CEP63: variants seen among roughly 807,000 people sequenced by gnomAD.
CEP63 encodes the protein centrosomal protein 63.
A neutral mutation model predicts 89.1 loss-of-function variants in CEP63; 84 were observed. The ratio of observed to expected loss-of-function variants is 0.94; its 90% CI spans 0.79 to 1.13. CEP63 has a LOEUF of 1.13. Ranked by LOEUF, CEP63 falls within the 50% of genes most tolerant of loss-of-function variation. CEP63 has a pLI of 0.00. For missense variants in CEP63, 838 were observed against 813.3 expected (o/e 1.03, Z -0.37); for synonymous variants, 267 against 272.5 (o/e 0.98, Z 0.20).
intron 2 of CEP63, among the ~76,000 whole-genome samples, chr3:134,497,809 C>T (rs973514922): frequency 6.6e-6 from 1 of 151,944 alleles, no homozygotes; most frequent in Non-Finnish European, 1.5e-5. Context: ...CAATTTTTTC[C>T]AGCACCATTT....
intron 6 of CEP63, among the ~76,000 whole-genome samples, chr3:134,542,860 C>T (rs933927846): frequency 1.6e-4 from 25 of 151,536 alleles, no homozygotes; most frequent in African/African-American, 5.8e-4. Context: ...GAAATAACTT[C>T]TACCCACTCC....
chr3:134,686,348 A>G, the CEP63 span, among the ~76,000 whole-genome samples: 1 of 152,174 alleles, frequency 6.6e-6, no homozygotes, highest in African/African-American at 2.4e-5. Context: ...TTCAGAAGGT[A>G]GGCTCAAGTT....
At chr3:134,608,674 G>T in the CEP63 span, 10 of 1,613,944 alleles carry the variant, frequency 6.2e-6, no homozygotes, top group Admixed American at 1.5e-4. Context: ...AAGTCTCTGG[G>T]TGGGCACTCA....
chr3:134,618,788 C>A, the CEP63 span, among the ~76,000 whole-genome samples: 2 of 152,320 alleles, frequency 1.3e-5, no homozygotes, highest in African/African-American at 4.8e-5. Flanking sequence ...TGAGGACAGC[C>A]TTTCACAGTC....
the CEP63 span, chr3:134,610,118 C>T: frequency 2.0e-6 from 3 of 1,487,748 alleles, no homozygotes; most frequent in South Asian, 2.5e-5. Context: ...GTCTTCTCCA[C>T]CTGCTGCTTC....
the CEP63 span, among the ~76,000 whole-genome samples, chr3:134,640,879 G>T: frequency 6.6e-6 from 1 of 152,074 alleles, no homozygotes; most frequent in African/African-American, 2.4e-5. Flanking sequence ...TTCCAACCTT[G>T]CCCCCTCTGT....
the CEP63 span, among the ~76,000 whole-genome samples, chr3:134,667,864 T>C: frequency 1.3e-5 from 2 of 152,224 alleles, no homozygotes; most frequent in Admixed American, 6.5e-5. Flanking sequence ...GGAGGGCATC[T>C]TTTATTGGTG....
At chr3:134,586,155 GTC>G (rs1560081744) in intron 10 of CEP63, among the ~76,000 whole-genome samples, 1 of 133,096 alleles carries the variant, frequency 7.5e-6, no homozygotes, top group Non-Finnish European at 1.7e-5. Flanking sequence ...TAATTTTCCA[GTC>G]TGTGACTTTT....
chr3:134,524,897 G>T (rs1948308824), intron 3 of CEP63, among the ~76,000 whole-genome samples: 1 of 152,124 alleles, frequency 6.6e-6, no homozygotes, highest in Non-Finnish European at 1.5e-5. Context: ...ACAACCCATA[G>T]AATGGGTTAG....
the CEP63 span, among the ~76,000 whole-genome samples, chr3:134,599,323 C>T: frequency 2.0e-5 from 3 of 152,166 alleles, no homozygotes; most frequent in East Asian, 1.9e-4. Context: ...TGCTGGGCCT[C>T]GTTTTTGTGG....
chr3:134,754,972 C>A, the CEP63 span, among the ~76,000 whole-genome samples: 1 of 152,084 alleles, frequency 6.6e-6, no homozygotes, highest in Non-Finnish European at 1.5e-5. Context: ...CCTGGGCTCC[C>A]TCTTCACTGC....
At chr3:134,576,366 G>T (rs547625015), downstream of CEP63, among the ~76,000 whole-genome samples, 60 of 152,312 alleles carry the variant, frequency 3.9e-4, no homozygotes, top group Non-Finnish European at 6.5e-4. Flanking sequence ...CTGAGTTCCT[G>T]CTATTCCCTG....
the CEP63 span, among the ~76,000 whole-genome samples, chr3:134,645,787 G>A: frequency 2.6e-5 from 4 of 152,144 alleles, no homozygotes; most frequent in Admixed American, 1.3e-4. Context: ...CTGACACATA[G>A]TGCTAAGACC....
intron 3 of CEP63, among the ~76,000 whole-genome samples, chr3:134,513,726 A>G (rs1175822272): frequency 6.6e-6 from 1 of 152,164 alleles, no homozygotes; most frequent in Admixed American, 6.5e-5. Flanking sequence ...GCTGCACCCT[A>G]GGAGTAAGGA....
chr3:134,746,670 T>C, the CEP63 span, among the ~76,000 whole-genome samples: 3 of 152,272 alleles, frequency 2.0e-5, no homozygotes, highest in Non-Finnish European at 2.9e-5. Flanking sequence ...ATTTCTCCGA[T>C]GAACAGTGAT....
the CEP63 span, among the ~76,000 whole-genome samples, chr3:134,742,969 C>T: frequency 6.6e-6 from 1 of 152,242 alleles, no homozygotes; most frequent in Admixed American, 6.5e-5. Flanking sequence ...AAGGAGGAAT[C>T]AGCTGGAACA....
the CEP63 span, among the ~76,000 whole-genome samples, chr3:134,740,423 G>A: frequency 1.2e-4 from 18 of 152,024 alleles, no homozygotes; most frequent in African/African-American, 4.3e-4. Flanking sequence ...TCAGCCTCCC[G>A]AGTAGCAGGG....
At position 134,564,422 on chromosome 3, in the gene CEP63, C is replaced by T. The variant is rs1957617087; in HGVS notation, c.*2887C>T. 5.1e-6 allele frequency: 5 copies of T among 985,308 alleles called. No individual in the cohort carries two copies. Among genetic ancestry groups the T allele is most frequent in the Admixed American group, 6.2e-5 (1 of 16,260 alleles). 61.0% of individuals were successfully genotyped at this position (985,308 alleles called of 1,614,324 possible). A position where few individuals can be genotyped will look rare whatever the true frequency, so the allele number is the denominator to read the frequency against. On this transcript the variant is annotated 3_prime_UTR_variant, in exon 15 of 15. Transcript: ENST00000675561. Reference sequence around the variant, plus strand: ...ATATCCCCTGACCCATGTCAGGGAACGTTTCTCCTCATTGCTGTCATGGCA... The same window carrying T: ...ATATCCCCTGACCCATGTCAGGGAATGTTTCTCCTCATTGCTGTCATGGCA...
chr3:134,604,243 C>A, the CEP63 span: 1 of 1,613,676 alleles, frequency 6.2e-7, no homozygotes, highest in Admixed American at 1.7e-5. Flanking sequence ...CAGCTGGACA[C>A]CCATGTCCAC....
Sources: allele counts gnomAD v4.1 joint callset (sites outside exome capture counted in the v4.1 genomes callset), GRCh38; gene constraint gnomAD v4.1.1; transcripts MANE v1.5; gene names NCBI Gene and HGNC (gene_info 2026-07-23, HGNC 2026-07-21).